The following TBL1X variants were observed in gnomAD, a reference collection of about 807,000 sequenced individuals.
TBL1X encodes the protein transducin beta like 1 X-linked.
In TBL1X, 10 loss-of-function variants were observed where a neutral mutation model predicts 50.7. The observed-to-expected ratio is 0.20, with a 90% confidence interval of 0.12 to 0.33. The LOEUF is 0.33. TBL1X is among the 10% of genes least tolerant of loss of function. The pLI, the probability that TBL1X is intolerant of heterozygous loss-of-function variation, is 1.00. For synonymous variants in TBL1X, 190 were observed against 214.7 expected (o/e 0.88, Z 1.01); for missense variants, 340 against 504.4 (o/e 0.67, Z 3.12).
In TBL1X at chrX:9,513,812, A is replaced by G. The variant is rs185983429; in HGVS notation, c.-131+11963A>G. Among the ~76,000 whole-genome samples, 1,086 of 108,946 alleles carry G rather than the reference A, an allele frequency of 1.0e-2. 16 individuals carry two copies. The highest frequency in any genetic ancestry group is 0.034 in the African/African-American group (1,033 of 29,977). The allele number at this position is 108,946 out of a possible 115,157, so 94.6% of individuals were successfully genotyped here. On this transcript the variant is annotated intron_variant, in intron 2 of 17. Transcript: ENST00000645353. ...ACATAGTTCTACAGGCTGTACAGGC[A>G]TGGTGCCGGCATCTGCTTGGTTTCT... is the stretch of plus-strand genomic sequence containing the variant.
chrX:9,593,867 C>T (rs768641875), intron 2 of TBL1X, among the ~76,000 whole-genome samples: 118 of 111,764 alleles, frequency 1.1e-3, no homozygotes, highest in African/African-American at 3.6e-3. Context: ...GGCCCACCTC[C>T]CTCCACCCTT....
chrX:9,686,530 T>C (rs2083060746), intron 6 of TBL1X, among the ~76,000 whole-genome samples: 1 of 111,827 alleles, frequency 8.9e-6, no homozygotes, highest in Non-Finnish European at 1.9e-5. Flanking sequence ...AGACCCTATC[T>C]CTACATAAAA....
At chrX:9,659,396 C>T (rs901663175) in intron 5 of TBL1X, among the ~76,000 whole-genome samples, 2 of 112,425 alleles carry the variant, frequency 1.8e-5, no homozygotes, top group African/African-American at 6.5e-5. Flanking sequence ...TTCACTCAAC[C>T]TTATGCATTT....
chrX:9,521,295 T>C (rs894442128), intron 2 of TBL1X, among the ~76,000 whole-genome samples: 10 of 111,014 alleles, frequency 9.0e-5, no homozygotes, highest in Non-Finnish European at 1.9e-4. Context: ...AGATGACTAA[T>C]GTGAAGGTCT....
At chrX:9,486,589 A>ACCCCCCCCCCCCCC (rs369631747) in intron 1 of TBL1X, among the ~76,000 whole-genome samples, 1 of 99,193 alleles carries the variant, frequency 1.0e-5, no homozygotes, top group Non-Finnish European at 2.0e-5. Context: ...CAGAACACAC[A>ACCCCCCCCCCCCCC]CCCCCCCCCC....
At chrX:9,558,292 C>T (rs1304461947) in intron 2 of TBL1X, among the ~76,000 whole-genome samples, 5 of 111,887 alleles carry the variant, frequency 4.5e-5, no homozygotes, top group Non-Finnish European at 9.4e-5. Flanking sequence ...CCGAGGAGGG[C>T]AGATCACCCA....
At chrX:9,613,985 CAA>C (rs34481376) in intron 2 of TBL1X, among the ~76,000 whole-genome samples, 4 of 50,245 alleles carry the variant, frequency 8.0e-5, no homozygotes, top group Admixed American at 2.6e-4. Flanking sequence ...GACTCCATCT[CAA>C]AAAAAAAAAA....
chrX:9,569,692 A>G (rs1273686817), intron 2 of TBL1X, among the ~76,000 whole-genome samples: 1 of 111,823 alleles, frequency 8.9e-6, no homozygotes, highest in East Asian at 2.8e-4. Context: ...CGAAACAGGA[A>G]TGGGTGGCCA....
Position 9,688,148 on chromosome X carries a change from G to GGCGGCGGCT in TBL1X, c.495_503dup (p.Ala166_Ala168dup). ...CTCAGCAGCAAGCCAGTGCGGCGGC[G>GGCGGCGGCT]GCGGCGGCTGCGGCCACGGCAGCAG... On this transcript the variant is annotated inframe_insertion, in exon 7 of 18. Transcript: ENST00000645353. 3 of 1,199,797 alleles carry GGCGGCGGCT rather than the reference G, an allele frequency of 2.5e-6. No homozygotes were observed. The highest frequency in any genetic ancestry group is 3.6e-5 in the South Asian group (2 of 55,665).
intron 11 of TBL1X, among the ~76,000 whole-genome samples, chrX:9,694,093 A>C (rs193292517): frequency 9.0e-6 from 1 of 111,262 alleles, no homozygotes; most frequent in East Asian, 2.8e-4. Flanking sequence ...GCCTCTGTGC[A>C]TTTCACTTTC....
chrX:9,463,746 T>C (rs4830642), upstream of TBL1X, among the ~76,000 whole-genome samples: 15,559 of 110,678 alleles, frequency 0.14, 1,314 homozygotes, highest in East Asian at 0.67. Context: ...CAAAAAAAAT[T>C]AGCTGGGCGT....
intron 2 of TBL1X, among the ~76,000 whole-genome samples, chrX:9,513,739 C>A (rs753162904): frequency 1.0e-4 from 11 of 110,095 alleles, no homozygotes; most frequent in African/African-American, 3.3e-4. Context: ...AGTTTTCTGT[C>A]GCTGTAAAGG....
intron 2 of TBL1X, among the ~76,000 whole-genome samples, chrX:9,619,696 G>A (rs1056985136): frequency 1.8e-5 from 2 of 112,376 alleles, no homozygotes; most frequent in African/African-American, 6.5e-5. Context: ...GAGTGAAATG[G>A]GGCTGGGAGC....
intron 1 of TBL1X, among the ~76,000 whole-genome samples, chrX:9,477,378 A>G (rs1199016956): frequency 8.9e-6 from 1 of 111,801 alleles, no homozygotes; most frequent in African/African-American, 3.3e-5. Context: ...ATTTTTCTGT[A>G]TGGGTTTCTG....
At chrX:9,587,229 G>A (rs2082474760) in intron 2 of TBL1X, among the ~76,000 whole-genome samples, 1 of 112,093 alleles carries the variant, frequency 8.9e-6, no homozygotes, top group Non-Finnish European at 1.9e-5. Flanking sequence ...TCGGGAGTGA[G>A]AGCTGTCTGC....
intron 7 of TBL1X, among the ~76,000 whole-genome samples, chrX:9,691,340 G>A (rs1238793200): frequency 9.3e-6 from 1 of 107,738 alleles, no homozygotes; most frequent in Non-Finnish European, 1.9e-5. Context: ...AGAGGCTGAG[G>A]CATGAGAATT....
intron 2 of TBL1X, among the ~76,000 whole-genome samples, chrX:9,575,586 C>T (rs1355094015): frequency 9.0e-6 from 1 of 111,641 alleles, no homozygotes; most frequent in Non-Finnish European, 1.9e-5. Flanking sequence ...AGTTGGCGGG[C>T]GTTTGGGCTG....
rs778951880 is a variant in TBL1X at position 9,712,932 on chromosome X, C to A, written c.1605+1156C>A. On this transcript the variant is annotated intron_variant, in intron 16 of 17. Transcript: ENST00000645353. Reference sequence around the variant, plus strand: ...TTGAAAATAAGGAAGGGGTCCCTTTCGCCTCAGGAGGGGAGGAATCACACA... The same window carrying A: ...TTGAAAATAAGGAAGGGGTCCCTTTAGCCTCAGGAGGGGAGGAATCACACA... Among the ~76,000 whole-genome samples the A allele has an allele frequency of 1.8e-3, 140 of 77,749 alleles. 1 individual carries two copies. Among genetic ancestry groups the A allele is most frequent in the African/African-American group, 7.4e-3 (132 of 17,856 alleles). 67.5% of individuals were successfully genotyped at this position (77,749 alleles called of 115,157 possible).
At chrX:9,547,108 G>A (rs938592031) in intron 2 of TBL1X, among the ~76,000 whole-genome samples, 15 of 110,067 alleles carry the variant, frequency 1.4e-4, no homozygotes, top group Non-Finnish European at 2.8e-4. Flanking sequence ...GTGGGCCACC[G>A]CGCCCGGCCT....
Sources: allele counts gnomAD v4.1 joint callset (sites outside exome capture counted in the v4.1 genomes callset), GRCh38; gene constraint gnomAD v4.1.1; transcripts MANE v1.5; gene names NCBI Gene and HGNC (gene_info 2026-07-23, HGNC 2026-07-21).